The following CACNA2D3 variants were observed in gnomAD, a reference collection of about 807,000 sequenced individuals.
CACNA2D3 encodes voltage-dependent calcium channel subunit alpha-2/delta-3.
CACNA2D3 carries 60 observed loss-of-function variants against 160.6 expected under a neutral mutation model. The ratio of observed to expected loss-of-function variants is 0.37; its 90% CI spans 0.30 to 0.46. The LOEUF is 0.46. Ranked by LOEUF, CACNA2D3 falls within the 20% of genes least tolerant of loss-of-function variation. The probability of loss-of-function intolerance (pLI) is 1.00; values close to 1 mark genes in which losing one functional copy is unlikely to be tolerated. For missense variants in CACNA2D3, 1,205 were observed against 1,365.0 expected, an observed-to-expected ratio of 0.88 and a Z score of 1.85; for synonymous variants, 558 against 492.9, an observed-to-expected ratio of 1.13 and a Z score of -1.75.
chr3:54,957,366 C>G (rs1299821466), intron 27 of CACNA2D3, among the ~76,000 whole-genome samples: 2 of 152,062 alleles, frequency 1.3e-5, no homozygotes, highest in Admixed American at 1.3e-4. Context: ...TCAGGCTGGT[C>G]TTGAACTCCT....
intron 27 of CACNA2D3, among the ~76,000 whole-genome samples, chr3:54,956,832 G>A (rs1701908639): frequency 6.6e-6 from 1 of 152,054 alleles, no homozygotes; most frequent in Non-Finnish European, 1.5e-5. Context: ...GATACCTCCA[G>A]TTTGCATTTT....
At chr3:54,867,174 G>A (rs750121868) in intron 17 of CACNA2D3, among the ~76,000 whole-genome samples, 3 of 152,192 alleles carry the variant, frequency 2.0e-5, no homozygotes, top group Non-Finnish European at 2.9e-5. Flanking sequence ...TGGTGGAGCC[G>A]AGGGACCTGG....
At chr3:54,149,263 A>G (rs534582106) in intron 2 of CACNA2D3, among the ~76,000 whole-genome samples, 4 of 134,876 alleles carry the variant, frequency 3.0e-5, no homozygotes, top group African/African-American at 8.8e-5. Flanking sequence ...AAGGGGTCCC[A>G]TGTGCACACA....
intron 5 of CACNA2D3, among the ~76,000 whole-genome samples, chr3:54,525,304 C>A (rs1701707981): frequency 6.6e-6 from 1 of 152,252 alleles, no homozygotes; most frequent in Middle Eastern, 3.4e-3. Flanking sequence ...ATAGACCCAA[C>A]CATACATTGC....
At chr3:54,285,324 G>A (rs550934827) in intron 2 of CACNA2D3, among the ~76,000 whole-genome samples, 2 of 152,316 alleles carry the variant, frequency 1.3e-5, no homozygotes, top group East Asian at 1.9e-4. Context: ...ACGAAGTCTC[G>A]CTGATAGCTA....
In CACNA2D3 at chr3:54,638,388, A is replaced by G. The variant is rs183391630; in HGVS notation, c.1054-3740A>G. The G allele has an allele frequency of 1.3e-3, 204 of 152,102 alleles. 7 individuals are homozygous for G. Among genetic ancestry groups the G allele is most frequent in the African/African-American group, 4.7e-3 (193 of 41,356 alleles). The allele number at this position is 152,102 out of a possible 1,614,324, so 9.4% of individuals were successfully genotyped here. On this transcript the variant is annotated intron_variant, in intron 10 of 37. Transcript: ENST00000474759. ...AGCTCCAGCCACCTTTTTAAGAATA[A>G]ATTGCTGGGCAGGTCGGGGAGGGCT...
chr3:54,453,208 G>T lies in CACNA2D3; in HGVS notation c.382-50284G>T, dbSNP rs1040203291. On this transcript the variant is annotated intron_variant, in intron 4 of 37. Transcript: ENST00000474759. ...AGGTCTTTCTGTGTTGTCCATGCTA[G>T]CCTTGAATTTCTAGGCTCAAGTTAT... Among the ~76,000 whole-genome samples, 22 of 152,070 alleles carry T rather than the reference G, an allele frequency of 1.4e-4. 1 individual carries two copies. Among genetic ancestry groups the T allele is most frequent in the Non-Finnish European group, 4.4e-5 (3 of 68,006 alleles).
intron 31 of CACNA2D3, among the ~76,000 whole-genome samples, chr3:55,000,857 G>C (rs1202006213): frequency 6.6e-6 from 1 of 152,080 alleles, no homozygotes; most frequent in African/African-American, 2.4e-5. Flanking sequence ...AAGACCCTGG[G>C]CTGGGGAACA....
chr3:54,279,009 C>T (rs1029350291), intron 2 of CACNA2D3, among the ~76,000 whole-genome samples: 7 of 152,144 alleles, frequency 4.6e-5, no homozygotes, highest in Admixed American at 3.9e-4. Context: ...ATTGACAGCC[C>T]AGCTACAGAG....
chr3:54,915,539 A>G (rs1700643613), intron 27 of CACNA2D3, among the ~76,000 whole-genome samples: 1 of 152,208 alleles, frequency 6.6e-6, no homozygotes, highest in South Asian at 2.1e-4. Flanking sequence ...GCTGAAAATA[A>G]TCTATGAGGC....
At chr3:54,133,736 G>T (rs1211969591) in intron 2 of CACNA2D3, among the ~76,000 whole-genome samples, 3 of 152,152 alleles carry the variant, frequency 2.0e-5, no homozygotes, top group Non-Finnish European at 2.9e-5. Flanking sequence ...CCCTCATGTG[G>T]TCTGACTCCT....
intron 4 of CACNA2D3, among the ~76,000 whole-genome samples, chr3:54,485,355 T>C (rs1028328612): frequency 5.3e-5 from 8 of 152,120 alleles, no homozygotes; most frequent in African/African-American, 1.7e-4. Context: ...ACCAAGGAAG[T>C]CTAGTTATTG....
intron 11 of CACNA2D3, among the ~76,000 whole-genome samples, chr3:54,711,634 T>A (rs891563053): frequency 2.0e-5 from 3 of 152,202 alleles, no homozygotes; most frequent in Non-Finnish European, 4.4e-5. Context: ...ATGATTAACA[T>A]AGACCAATCG....
At chr3:54,463,251 G>C (rs1369584756) in intron 4 of CACNA2D3, among the ~76,000 whole-genome samples, 1 of 152,038 alleles carries the variant, frequency 6.6e-6, no homozygotes, top group Non-Finnish European at 1.5e-5. Context: ...ACAATTACGT[G>C]TCTTGGAGTT....
intron 27 of CACNA2D3, chr3:54,925,223 A>C: frequency 6.2e-7 from 1 of 1,601,750 alleles, no homozygotes; most frequent in Non-Finnish European, 8.5e-7. Flanking sequence ...CACCTACAAC[A>C]AACAGAAAGA....
chr3:54,866,816 A>AGC (rs1184283291), intron 17 of CACNA2D3, among the ~76,000 whole-genome samples: 1 of 152,210 alleles, frequency 6.6e-6, no homozygotes, highest in Non-Finnish European at 1.5e-5. Context: ...TCCTGGTTCC[A>AGC]GCTTGCTCCT....
Position 54,871,388 on chromosome 3 carries a change from C to G in CACNA2D3, c.1627-151C>G, listed in dbSNP as rs1559611505. 7 of 576,268 alleles carry G rather than the reference C, an allele frequency of 1.2e-5. No homozygotes were observed. The Admixed American group carries it at 1.2e-4, about 10-fold the overall frequency. The allele number at this position is 576,268 out of a possible 1,614,324, so 35.7% of individuals were successfully genotyped here. On this transcript the variant is annotated intron_variant, in intron 17 of 37. Transcript: ENST00000474759. ...CTTGGCTTTCCTGTCATTAAAAGTC[C>G]CTAGGACTGTCACCCTGCTGGGCTT...
At chr3:54,469,361 A>G (rs1054397107) in intron 4 of CACNA2D3, among the ~76,000 whole-genome samples, 9 of 152,250 alleles carry the variant, frequency 5.9e-5, no homozygotes, top group African/African-American at 1.4e-4. Flanking sequence ...GAAAACCAAC[A>G]GAAAGGAATA....
intron 4 of CACNA2D3, among the ~76,000 whole-genome samples, chr3:54,417,010 T>C (rs1699764605): frequency 6.6e-6 from 1 of 152,176 alleles, no homozygotes; most frequent in African/African-American, 2.4e-5. Flanking sequence ...ATGGTATGTC[T>C]TTGGCAGGCA....
Sources: gnomAD v4.1 joint callset for allele counts (sites outside exome capture counted in the v4.1 genomes callset) on GRCh38, gnomAD v4.1.1 for gene constraint, MANE v1.5 for transcripts, NCBI Gene and HGNC (gene_info 2026-07-23, HGNC 2026-07-21) for gene names.